Variants in PIK3R3 observed in about 807,000 individuals in gnomAD.
PIK3R3 encodes the protein phosphoinositide-3-kinase regulatory subunit 3, also known as phosphatidylinositol 3-kinase regulatory subunit gamma.
PIK3R3 carries 64 observed loss-of-function variants against 62.9 expected under a neutral mutation model. That is an observed-to-expected ratio of 1.02 (90% CI 0.83 to 1.25). The LOEUF (loss-of-function observed/expected upper bound fraction) is 1.25. PIK3R3 is among the 50% of genes most tolerant of loss of function. The pLI is 0.00. For missense variants in PIK3R3, 614 were observed against 561.6 expected (o/e 1.09, Z -0.94); for synonymous variants, 165 against 189.0 (o/e 0.87, Z 1.04).
At chr1:46,149,826 C>T in the PIK3R3 span, among the ~76,000 whole-genome samples, 3 of 152,162 alleles carry the variant, frequency 2.0e-5, no homozygotes, top group Non-Finnish European at 1.5e-5. Flanking sequence ...CCTCCGCACC[C>T]GGCCAAGAAG....
chr1:46,058,360 G>A (rs1357734602), intron 6 of PIK3R3, among the ~76,000 whole-genome samples: 1 of 152,244 alleles, frequency 6.6e-6, no homozygotes, highest in Non-Finnish European at 1.5e-5. Flanking sequence ...AGTTCCTACT[G>A]GGGCACCGCC....
intron 1 of PIK3R3, among the ~76,000 whole-genome samples, chr1:46,104,124 C>T (rs1318708177): frequency 6.6e-6 from 1 of 151,996 alleles, no homozygotes; most frequent in Non-Finnish European, 1.5e-5. Context: ...GGCAGAGTTT[C>T]ACTATGTTGG....
the PIK3R3 span, among the ~76,000 whole-genome samples, chr1:46,151,612 G>A: frequency 3.3e-5 from 5 of 152,116 alleles, no homozygotes; most frequent in African/African-American, 1.2e-4. Context: ...TCAAGCTCTA[G>A]GCCCATTCCT....
intron 4 of PIK3R3, among the ~76,000 whole-genome samples, chr1:46,066,426 G>A (rs1648994581): frequency 6.6e-6 from 1 of 152,102 alleles, no homozygotes; most frequent in African/African-American, 2.4e-5. Context: ...GAAATGAAGT[G>A]GGAGACATAA....
chr1:46,111,947 C>T (rs1653779743), intron 1 of PIK3R3, among the ~76,000 whole-genome samples: 1 of 152,150 alleles, frequency 6.6e-6, no homozygotes, highest in Admixed American at 6.5e-5. Context: ...ATAGCAATTC[C>T]ATCTCTGTCC....
the PIK3R3 span, chr1:46,138,804 GT>G: frequency 6.6e-6 from 1 of 152,226 alleles, no homozygotes; most frequent in South Asian, 2.1e-4. Flanking sequence ...GAACATGATT[GT>G]TTGTGTCCTC....
chr1:46,135,607 T>C (rs1393623387), upstream of PIK3R3, among the ~76,000 whole-genome samples: 7 of 152,316 alleles, frequency 4.6e-5, no homozygotes, highest in East Asian at 1.3e-3. Context: ...ATGGATGAAA[T>C]ATTTCTTCTG....
the PIK3R3 span, among the ~76,000 whole-genome samples, chr1:46,161,229 G>A: frequency 6.6e-6 from 1 of 151,412 alleles, no homozygotes; most frequent in Admixed American, 6.6e-5. Flanking sequence ...CTTAGTAGCT[G>A]GGACTGCAGG....
upstream of PIK3R3, among the ~76,000 whole-genome samples, chr1:46,134,978 T>C (rs1285949046): frequency 6.6e-6 from 1 of 152,228 alleles, no homozygotes; most frequent in Admixed American, 6.5e-5. Flanking sequence ...CCAACTTAAA[T>C]AGACCTTTGA....
At chr1:46,092,086 A>C (rs1651688835) in intron 1 of PIK3R3, among the ~76,000 whole-genome samples, 2 of 152,168 alleles carry the variant, frequency 1.3e-5, no homozygotes. Context: ...ATCCTGATAA[A>C]GGGCACCACT....
chr1:46,134,107 A>G (rs1655838300), upstream of PIK3R3, among the ~76,000 whole-genome samples: 1 of 152,218 alleles, frequency 6.6e-6, no homozygotes, highest in Non-Finnish European at 1.5e-5. Flanking sequence ...TATACCCTAC[A>G]ATACAGTCTG....
intron 1 of PIK3R3, chr1:46,105,060 C>T: frequency 1.3e-6 from 1 of 746,308 alleles, no homozygotes; most frequent in African/African-American, 1.7e-5. Context: ...GCTGTATTAG[C>T]TAGTGGAGCC....
At chr1:46,045,385 A>C (rs1647081986) in intron 9 of PIK3R3, among the ~76,000 whole-genome samples, 1 of 152,188 alleles carries the variant, frequency 6.6e-6, no homozygotes. Context: ...AGTTATCCCC[A>C]AAATTTCACT....
intron 4 of PIK3R3, among the ~76,000 whole-genome samples, chr1:46,066,406 T>C (rs1171164069): frequency 6.6e-6 from 1 of 152,216 alleles, no homozygotes; most frequent in African/African-American, 2.4e-5. Context: ...ATTAATACTT[T>C]AAAAATTAAG....
At position 46,080,692 on chromosome 1, in the gene PIK3R3, G is replaced by GTCCTTCAT; in HGVS notation, c.157_164dup (p.Asp55GlufsTer2). ...CTGCATCCTGAAGAGAAACAGAACT[G>GTCCTTCAT]TCCTTCATTCCATTTGGAACTGCTG... On this transcript the variant is annotated stop_gained and frameshift_variant, in exon 2 of 10. Transcript: ENST00000262741. LOFTEE classifies it high-confidence loss of function. The GTCCTTCAT allele has an allele frequency of 6.2e-7, 1 of 1,613,888 alleles. No homozygotes were observed. The highest frequency in any genetic ancestry group is 8.5e-7 in the Non-Finnish European group (1 of 1,179,756).
At chr1:46,165,305 C>CTT in the PIK3R3 span, among the ~76,000 whole-genome samples, 1,930 of 129,982 alleles carry the variant, frequency 0.015, 31 homozygotes, top group African/African-American at 0.027. Flanking sequence ...TCTTCTTCTT[C>CTT]TTTTTTTTTT....
intron 1 of PIK3R3, among the ~76,000 whole-genome samples, chr1:46,125,683 G>A (rs181991416): frequency 6.6e-6 from 1 of 152,166 alleles, no homozygotes; most frequent in African/African-American, 2.4e-5. Context: ...AAAGTCAGAA[G>A]ATACTTTACT....
rs188890746 is a variant in PIK3R3, at chr1:46,064,048, A to C, written c.622-1977T>G. On this transcript the variant is annotated intron_variant, in intron 5 of 9. Transcript: ENST00000262741. ...ACCAACATGGCGAAATCCCATCTCT[A>C]CTAAAAATACAAAAATTAGCCAGAT... Among the ~76,000 whole-genome samples, 86 of 152,100 alleles carry C rather than the reference A, an allele frequency of 5.7e-4. No homozygotes were observed. The East Asian group carries it at 0.013, about 23-fold the overall frequency.
intron 6 of PIK3R3, among the ~76,000 whole-genome samples, chr1:46,059,520 T>C (rs1648267365): frequency 6.6e-6 from 1 of 152,232 alleles, no homozygotes; most frequent in South Asian, 2.1e-4. Context: ...TGTGGCTTTA[T>C]ATTACTATTA....
Sources: allele counts gnomAD v4.1 joint callset (sites outside exome capture counted in the v4.1 genomes callset), GRCh38; gene constraint gnomAD v4.1.1; transcripts MANE v1.5; gene names NCBI Gene and HGNC (gene_info 2026-07-23, HGNC 2026-07-21).